KIF1A: variants seen among roughly 807,000 people sequenced by gnomAD.
KIF1A encodes kinesin-like protein KIF1A.
In KIF1A, 46 loss-of-function variants were observed where a neutral mutation model predicts 227.3. That is an observed-to-expected ratio of 0.20 (90% CI 0.16 to 0.26). KIF1A has a LOEUF of 0.26. Ranked by LOEUF, KIF1A falls within the 10% of genes least tolerant of loss-of-function variation. The pLI is 1.00. For synonymous variants in KIF1A, 1,022 were observed against 1,012.8 expected (o/e 1.01, Z -0.17); for missense variants, 1,683 against 2,485.9 (o/e 0.68, Z 6.87).
At chr2:240,814,987 A>C (rs2058209505) in intron 1 of KIF1A, among the ~76,000 whole-genome samples, 1 of 152,240 alleles carries the variant, frequency 6.6e-6, no homozygotes, top group Admixed American at 6.5e-5. Flanking sequence ...ATCTTGCCTA[A>C]GTACAGAGCT....
intron 20 of KIF1A, among the ~76,000 whole-genome samples, chr2:240,765,343 G>T (rs1431882253): frequency 6.6e-6 from 1 of 152,246 alleles, no homozygotes; most frequent in Admixed American, 6.5e-5. Context: ...TCAGCTCTGG[G>T]AAGCCCTTGT....
chr2:240,731,148 G>A (rs920532649), intron 38 of KIF1A, among the ~76,000 whole-genome samples: 3 of 152,270 alleles, frequency 2.0e-5, no homozygotes, highest in African/African-American at 7.2e-5. Context: ...AGCTAGGCTA[G>A]TGAGAAGGAG....
chr2:240,719,567 G>A (rs2045020409), intron 46 of KIF1A, among the ~76,000 whole-genome samples: 1 of 152,234 alleles, frequency 6.6e-6, no homozygotes, highest in African/African-American at 2.4e-5. Flanking sequence ...GTGGGTCACA[G>A]GGCCCTGCCT....
At chr2:240,764,860 C>A (rs1161978387) in intron 20 of KIF1A, among the ~76,000 whole-genome samples, 1 of 152,102 alleles carries the variant, frequency 6.6e-6, no homozygotes, top group African/African-American at 2.4e-5. Context: ...AAGAAGAAAC[C>A]CAGCGGATGG....
rs1341510534 is a variant in KIF1A at position 240,771,012 on chromosome 2, A to G, written c.1300T>C (p.Leu434=). The G allele has an allele frequency of 6.2e-7, 1 of 1,612,868 alleles. No individual in the cohort carries two copies. Among genetic ancestry groups the G allele is most frequent in the Non-Finnish European group, 8.5e-7 (1 of 1,179,846 alleles). The change falls in exon 15 of 49, where the codon TTG becomes CTG. Residue 434 remains leucine, a synonymous_variant. Coordinates refer to ENST00000498729, the MANE Select transcript of KIF1A (RefSeq NM_001244008.2). ...GCCTCCTCGCTGCCCGGGGCAAACA[A>G]GATGCGCTCGTGGAGGCTGGACACG... The part of the protein sequence containing the change: ...ASVSSLHERI[L]FAPGSEEAIE...
intron 4 of KIF1A, among the ~76,000 whole-genome samples, chr2:240,787,616 C>T (rs1423026342): frequency 1.3e-5 from 2 of 152,172 alleles, no homozygotes; most frequent in African/African-American, 4.8e-5. Context: ...TACTAGTGAC[C>T]AACTCACGTC....
Position 240,745,890 on chromosome 2 carries a change from G to A in KIF1A, c.3222C>T (p.Leu1074=). 1.2e-6 allele frequency: 2 copies of A among 1,606,734 alleles called. No homozygotes were observed. The highest frequency in any genetic ancestry group is 1.7e-6 in the Non-Finnish European group (2 of 1,175,474). ...NTCSAVPPEG[L]LLDSSEKAAL... ...CGGCTTTCTCAGAGCTGTCTAGGAG[G>A]AGGCCTTCTGGGGGCACTGCTGCTG... The change falls in exon 31 of 49, where the codon CTC becomes CTT. Residue 1074 remains leucine, a synonymous_variant. Transcript: ENST00000498729.
intron 45 of KIF1A, chr2:240,720,291 T>G: frequency 5.4e-6 from 1 of 183,984 alleles, no homozygotes. Context: ...TGACACGAGG[T>G]TCCAAGGAGC....
chr2:240,766,073 T>G lies in KIF1A; in HGVS notation c.1685-280A>C, dbSNP rs1198089520. ...CTGGGCCTAATCACCCAGGGCCCTG[T>G]CCAGCTCCCCAGGTGGACAAGGATA... is the stretch of plus-strand genomic sequence containing the variant. On this transcript the variant is annotated intron_variant, in intron 19 of 48. Coordinates refer to ENST00000498729, the MANE Select transcript of KIF1A (RefSeq NM_001244008.2). The surrounding 1 kb of genome is among the most constrained non-coding windows in gnomAD (Gnocchi z 5.0). 6.6e-6 allele frequency among the ~76,000 whole-genome samples: 1 copy of G among 152,208 alleles called. No homozygotes were observed. Among genetic ancestry groups the G allele is most frequent in the Non-Finnish European group, 1.5e-5 (1 of 68,028 alleles).
In KIF1A at chr2:240,757,214, T is replaced by C. The variant is rs1575581368; in HGVS notation, c.2858+105A>G. ...GCCCCTCCACCTGCCTCGCCTGCCCTGGGAGGGCCCGGGCCAGGCCCCAGC... is the reference window on the plus strand; with the variant it reads ...GCCCCTCCACCTGCCTCGCCTGCCCCGGGAGGGCCCGGGCCAGGCCCCAGC... On this transcript the variant is annotated intron_variant, in intron 27 of 48. Transcript: ENST00000498729. The surrounding 1 kb of genome is among the most constrained non-coding windows in gnomAD (Gnocchi z 6.2). The C allele has an allele frequency of 6.6e-6, 8 of 1,209,596 alleles. No homozygotes were observed. Among genetic ancestry groups the C allele is most frequent in the Non-Finnish European group, 8.1e-6 (7 of 859,528 alleles). The allele number at this position is 1,209,596 out of a possible 1,614,324, so 74.9% of individuals were successfully genotyped here. A position where few individuals can be genotyped will look rare whatever the true frequency, so the allele number is the denominator to read the frequency against.
At chr2:240,767,495 G>T in intron 17 of KIF1A, 150 bp from the exon 18 acceptor site, 1 of 656,188 alleles carries the variant, frequency 1.5e-6, no homozygotes, top group Non-Finnish European at 2.7e-6. Flanking sequence ...GTCACTCCAA[G>T]CCAGGAAAAT....
Position 240,793,381 on chromosome 2 carries a change from G to A in KIF1A, c.107-4069C>T, listed in dbSNP as rs754142314. On this transcript the variant is annotated intron_variant, in intron 2 of 48. Transcript: ENST00000498729. The surrounding 1 kb of genome is among the most constrained non-coding windows in gnomAD (Gnocchi z 4.8). ...CCCAAAGGGATGCCCTCTAGCCAGT[G>A]TCACACAGCGAGTAAGTCATGAGCA... Among the ~76,000 whole-genome samples the A allele has an allele frequency of 6.6e-6, 1 of 152,220 alleles. No homozygotes were observed. The highest frequency in any genetic ancestry group is 1.5e-5 in the Non-Finnish European group (1 of 68,032).
chr2:240,742,069 C>A (rs939221576), intron 34 of KIF1A, among the ~76,000 whole-genome samples: 1 of 152,230 alleles, frequency 6.6e-6, no homozygotes, highest in African/African-American at 2.4e-5. Flanking sequence ...CTGCGGGCCA[C>A]AAAGCCTGTA....
rs1323045070 is a variant in KIF1A, at chr2:240,740,233, G to A, written c.3816+65C>T. On this transcript the variant is annotated intron_variant, in intron 36 of 48. Coordinates refer to ENST00000498729, the MANE Select transcript of KIF1A (RefSeq NM_001244008.2). This position sits in a 1 kb window ranked among gnomAD's most constrained non-coding sequence, Gnocchi z 6.1. The stretch of plus-strand genomic sequence containing the variant: ...GACACAGGCAGGGTAGGGGCAGGGA[G>A]AGGCTCACACCTGGTGGGGTGGGGG... The A allele has an allele frequency of 1.9e-6, 3 of 1,569,938 alleles. No individual in the cohort carries two copies. Among genetic ancestry groups the A allele is most frequent in the African/African-American group, 1.4e-5 (1 of 74,062 alleles).
intron 8 of KIF1A, among the ~76,000 whole-genome samples, chr2:240,783,526 G>T: frequency 6.6e-6 from 1 of 152,258 alleles, no homozygotes; most frequent in South Asian, 2.1e-4. Flanking sequence ...ACACCGTCCC[G>T]CCAAACCCCT....
chr2:240,741,207 T>A, intron 35 of KIF1A, 62 bp downstream of exon 35: 1 of 1,162,992 alleles, frequency 8.6e-7, no homozygotes, highest in Non-Finnish European at 1.2e-6. Flanking sequence ...CAAGTCCTCG[T>A]CCCTCTCCGC....
In KIF1A at chr2:240,794,606, G is replaced by A. The variant is rs146527677; in HGVS notation, c.106+3041C>T. On this transcript the variant is annotated intron_variant, in intron 2 of 48. Coordinates refer to ENST00000498729, the MANE Select transcript of KIF1A (RefSeq NM_001244008.2). The stretch of plus-strand genomic sequence containing the variant: ...GCTCCCAGCTGGCGGGCATTTGGGC[G>A]GTTGCCCCGGGCTTGGTAAAACAGC... Among the ~76,000 whole-genome samples the A allele has an allele frequency of 6.6e-5, 10 of 152,362 alleles. No individual in the cohort carries two copies. In the East Asian group the frequency reaches 1.2e-3, roughly 18 times the overall value.
Position 240,743,964 on chromosome 2 carries a change from G to T in KIF1A, c.3562C>A (p.Pro1188Thr). 6.2e-7 allele frequency: 1 copy of T among 1,613,314 alleles called. No individual in the cohort carries two copies. Among genetic ancestry groups the T allele is most frequent in the Non-Finnish European group, 8.5e-7 (1 of 1,179,506 alleles). ...AACCTGAGCACGTCCTTGCAGAGGG[G>T]CGGGAACGGGTGCTGCTGGTAGTGG... ...FGHYQQHPFPPLCKDVLSPLR... is the reference protein window; with the variant it reads ...FGHYQQHPFPTLCKDVLSPLR... The change falls in exon 33 of 49, where the codon CCC (proline) becomes ACC (threonine). Residue 1188 changes from proline to threonine, a missense_variant. Around this residue, in one of 12 missense-constraint regions of KIF1A, gnomAD observed 759 missense variants for 1,020.2 expected, o/e 0.74. Coordinates refer to ENST00000498729, the MANE Select transcript of KIF1A (RefSeq NM_001244008.2).
At chr2:240,723,936 G>A (rs1282073494) in intron 41 of KIF1A, 39 bp downstream of exon 41, 2 of 1,570,626 alleles carry the variant, frequency 1.3e-6, no homozygotes, top group Admixed American at 1.7e-5. Flanking sequence ...GGTTGAGCAG[G>A]CCAGGAACCC....
Sources: gnomAD v4.1 joint callset for allele counts (sites outside exome capture counted in the v4.1 genomes callset) on GRCh38, gnomAD v4.1.1 for gene constraint, gnomAD v4.1.1 regional missense constraint, Gnocchi (gnomAD v3.1) non-coding constraint, MANE v1.5 for transcripts, NCBI Gene and HGNC (gene_info 2026-07-23, HGNC 2026-07-21) for gene names.